MDN1: variants seen among roughly 807,000 people sequenced by gnomAD.
MDN1 encodes midasin.
Under a neutral mutation model 669.2 loss-of-function variants are expected in MDN1, and 266 were observed. The ratio of observed to expected loss-of-function variants is 0.40; its 90% CI spans 0.36 to 0.44. The LOEUF (loss-of-function observed/expected upper bound fraction) is 0.44. Ranked by LOEUF, MDN1 falls within the 20% of genes least tolerant of loss-of-function variation. The probability of loss-of-function intolerance (pLI) is 1.00; values close to 1 mark genes in which losing one functional copy is unlikely to be tolerated. For missense variants in MDN1, 5,940 were observed against 6,754.0 expected (o/e 0.88, Z 4.22); for synonymous variants, 2,385 against 2,457.1 (o/e 0.97, Z 0.87).
intron 51 of MDN1, 127 bp downstream of exon 51, chr6:89,708,369 C>T: frequency 1.7e-6 from 2 of 1,186,190 alleles, no homozygotes; most frequent in Non-Finnish European, 2.4e-6. Context: ...CAATCATGTC[C>T]AACACCCCAC....
At position 89,643,690 on chromosome 6, in the gene MDN1, G is replaced by A. The variant is rs1480350515; in HGVS notation, c.*315C>T. On this transcript the variant is annotated 3_prime_UTR_variant, in exon 102 of 102. Transcript: ENST00000369393. ...CAAGGCACAGGTGCCCAGATCCCCTGCAAAAGAAAACAGGCAGCTGGGCTC... is the reference window on the plus strand; with the variant it reads ...CAAGGCACAGGTGCCCAGATCCCCTACAAAAGAAAACAGGCAGCTGGGCTC... 5 of 226,160 alleles carry A rather than the reference G, an allele frequency of 2.2e-5. No homozygotes were observed. The highest frequency in any genetic ancestry group is 4.3e-5 in the Non-Finnish European group (5 of 115,322). 14.0% of individuals were successfully genotyped at this position (226,160 alleles called of 1,614,324 possible). A position where few individuals can be genotyped will look rare whatever the true frequency, so the allele number is the denominator to read the frequency against.
chr6:89,689,598 T>C (rs1356590280), intron 65 of MDN1, among the ~76,000 whole-genome samples: 2 of 152,228 alleles, frequency 1.3e-5, no homozygotes, highest in African/African-American at 4.8e-5. Context: ...TAAGTCCTTG[T>C]CCTTATTTTC....
rs1811019378 is a variant in MDN1, at chr6:89,674,116, A to G, written c.13235T>C (p.Leu4412Pro). The change falls in exon 79 of 102, where the codon CTC becomes CCC. Residue 4412 changes from leucine to proline, a missense_variant. This residue lies in a region of MDN1 where 2,280 missense variants were observed against 2,576.3 expected (regional missense o/e 0.88). Transcript: ENST00000369393. The stretch of plus-strand genomic sequence containing the variant: ...TAGACACACTTACCAAGAATGAAAG[A>G]GAGTCTCACAAGACTGCTGTCTAAT... ...DKIRQQSCET[L>P]FHSWKDFEVC... 6.2e-7 allele frequency: 1 copy of G among 1,613,836 alleles called. No homozygotes were observed. Among genetic ancestry groups the G allele is most frequent in the Non-Finnish European group, 8.5e-7 (1 of 1,179,840 alleles).
chr6:89,674,044 T>C (rs1451540535), intron 79 of MDN1, 60 bp downstream of exon 79: 2 of 1,569,932 alleles, frequency 1.3e-6, no homozygotes, highest in Non-Finnish European at 1.7e-6. Flanking sequence ...ACCCCCAATT[T>C]AGATAAGCAC....
rs1410554737 is a variant in MDN1, at chr6:89,653,056, G to A, written c.15761C>T (p.Pro5254Leu). 6.2e-7 allele frequency: 1 copy of A among 1,613,954 alleles called. No individual in the cohort carries two copies. The highest frequency in any genetic ancestry group is 8.5e-7 in the Non-Finnish European group (1 of 1,179,990). ...KAHKETENEK[P>L]ERSRESTIHT... ...AATGGTAGACTCTCGGCTTCTTTCT[G>A]GTTTCTCATTTTCTGTCTCCTTATG... is the stretch of plus-strand genomic sequence containing the variant. Residue 5254 changes from proline to leucine, a missense_variant, in exon 94 of 102, where the codon CCA becomes CTA. Coordinates refer to ENST00000369393, the MANE Select transcript of MDN1 (RefSeq NM_014611.3).
At position 89,740,106 on chromosome 6, in the gene MDN1, T is replaced by A; in HGVS notation, c.4593+128A>T. ...ATAATTATTTTAAAATATTTTTGAG[T>A]TTTTACACTTTTTACCCACTTTTTA... On this transcript the variant is annotated intron_variant, in intron 32 of 101. Transcript: ENST00000369393. 3 of 1,059,954 alleles carry A rather than the reference T, an allele frequency of 2.8e-6. No homozygotes were observed. The South Asian group carries it at 5.1e-5, about 18-fold the overall frequency. 65.7% of individuals were successfully genotyped at this position (1,059,954 alleles called of 1,614,324 possible).
chr6:89,649,750 G>A, intron 97 of MDN1, among the ~76,000 whole-genome samples: 1 of 151,914 alleles, frequency 6.6e-6, no homozygotes. Context: ...CAAACAGCAA[G>A]GTCAAGAAAC....
intron 53 of MDN1, among the ~76,000 whole-genome samples, chr6:89,705,711 T>C (rs1436503536): frequency 1.3e-5 from 2 of 152,168 alleles, no homozygotes; most frequent in Non-Finnish European, 2.9e-5. Context: ...AGCAGATCAA[T>C]GGCTACCTCG....
Position 89,661,431 on chromosome 6 carries a change from C to T in MDN1, c.14713G>A (p.Glu4905Lys), listed in dbSNP as rs766701578. 2.5e-5 allele frequency: 41 copies of T among 1,609,778 alleles called. 1 individual carries two copies. The highest frequency in any genetic ancestry group is 1.2e-5 in the Non-Finnish European group (14 of 1,178,764). The change falls in exon 88 of 102, where the codon GAA becomes AAA. Residue 4905 changes from glutamate to lysine, a missense_variant and splice_region_variant. By Grantham distance (56) the Glu-to-Lys change is moderately conservative. Coordinates refer to ENST00000369393, the MANE Select transcript of MDN1 (RefSeq NM_014611.3). The part of the protein sequence containing the change: ...GEDTDNEEGE[E>K]ENPLEIKEKP... ...GTCTCTTTGTTTCTGAAAGACGCAC[C>T]TTCTCCTTCTTCATTGTCGGTGTCC... is the stretch of plus-strand genomic sequence containing the variant.
Position 89,642,767 on chromosome 6 carries a change from G to A in MDN1, c.*1238C>T, listed in dbSNP as rs1808247300. The A allele has an allele frequency of 6.6e-6, 1 of 152,206 alleles. No individual in the cohort carries two copies. The highest frequency in any genetic ancestry group is 1.5e-5 in the Non-Finnish European group (1 of 68,038). The allele number at this position is 152,206 out of a possible 1,614,324, so 9.4% of individuals were successfully genotyped here. Reference sequence around the variant, plus strand: ...ATCCTGTCATCTTCCATTAAGAAGAGTCACAAATTACATCAACAACAGTGG... The same window carrying A: ...ATCCTGTCATCTTCCATTAAGAAGAATCACAAATTACATCAACAACAGTGG... On this transcript the variant is annotated 3_prime_UTR_variant, in exon 102 of 102. Coordinates refer to ENST00000369393, the MANE Select transcript of MDN1 (RefSeq NM_014611.3).
intron 76 of MDN1, 117 bp from the exon 77 acceptor site, chr6:89,676,324 T>C (rs1335121977): frequency 3.7e-6 from 3 of 806,122 alleles, no homozygotes; most frequent in Non-Finnish European, 6.2e-6. Flanking sequence ...TCTGAATAGG[T>C]TTATTTCTAT....
Position 89,658,750 on chromosome 6 carries a change from C to T in MDN1, c.14881G>A (p.Ala4961Thr), listed in dbSNP as rs1295141034. 9 of 1,614,150 alleles carry T rather than the reference C, an allele frequency of 5.6e-6. No homozygotes were observed. The South Asian group carries it at 8.8e-5, about 16-fold the overall frequency. Reference protein sequence around the residue: ...AEGEEEMDTGADDQDGDAAQH... With the variant: ...AEGEEEMDTGTDDQDGDAAQH... Reference sequence around the variant, plus strand: ...GCAGCATCTCCATCTTGGTCATCAGCTCCTGTGTCCATTTCCTCTTCCCCT... The same window carrying T: ...GCAGCATCTCCATCTTGGTCATCAGTTCCTGTGTCCATTTCCTCTTCCCCT... The change falls in exon 89 of 102, where the codon GCT becomes ACT. Residue 4961 changes from alanine to threonine, a missense_variant. Ala to Thr is a moderately conservative substitution (Grantham distance 58). Transcript: ENST00000369393.
chr6:89,754,629 C>T (rs1014186736), intron 20 of MDN1, among the ~76,000 whole-genome samples: 1 of 152,142 alleles, frequency 6.6e-6, no homozygotes, highest in Non-Finnish European at 1.5e-5. Context: ...TGAAAGGCTA[C>T]GAATATGGCT....
chr6:89,683,350 G>T lies in MDN1; in HGVS notation c.11904-20C>A, dbSNP rs1265361421. 2 of 1,607,066 alleles carry T rather than the reference G, an allele frequency of 1.2e-6. No individual in the cohort carries two copies. Among genetic ancestry groups the T allele is most frequent in the East Asian group, 4.5e-5 (2 of 44,786 alleles). Reference sequence around the variant, plus strand: ...AGTGTCCTGTCCCCAGGTAATGACAGAGATAAGAAGAAAAAAACTGGATTA... The same window carrying T: ...AGTGTCCTGTCCCCAGGTAATGACATAGATAAGAAGAAAAAAACTGGATTA... On this transcript the variant is annotated intron_variant, in intron 72 of 101. Coordinates refer to ENST00000369393, the MANE Select transcript of MDN1 (RefSeq NM_014611.3).
intron 22 of MDN1, 143 bp from the exon 23 acceptor site, chr6:89,751,725 T>G: frequency 1.1e-6 from 1 of 888,182 alleles, no homozygotes; most frequent in South Asian, 2.2e-5. Context: ...AATATGAACA[T>G]AAAATTATGA....
chr6:89,779,052 T>G, intron 11 of MDN1, among the ~76,000 whole-genome samples: 1 of 151,938 alleles, frequency 6.6e-6, no homozygotes, highest in East Asian at 1.9e-4. Context: ...AATCTCCAGG[T>G]TATTTATAAT....
chr6:89,770,400 C>CAAAA (rs572130757), intron 15 of MDN1, among the ~76,000 whole-genome samples: 1 of 61,112 alleles, frequency 1.6e-5, no homozygotes, highest in Non-Finnish European at 3.3e-5. Flanking sequence ...GACTCTGTCT[C>CAAAA]AAAAAAAAAA....
intron 36 of MDN1, among the ~76,000 whole-genome samples, chr6:89,728,418 G>A (rs1815369476): frequency 6.6e-6 from 1 of 152,170 alleles, no homozygotes; most frequent in South Asian, 2.1e-4. Flanking sequence ...TCTCTCGAAA[G>A]AGAATTAGAA....
At chr6:89,798,061 A>C (rs1397478843) in intron 2 of MDN1, among the ~76,000 whole-genome samples, 1 of 151,836 alleles carries the variant, frequency 6.6e-6, no homozygotes, top group Non-Finnish European at 1.5e-5. Context: ...AGGCACCTGT[A>C]GTCCCAGCTA....
Sources: allele counts gnomAD v4.1 joint callset (sites outside exome capture counted in the v4.1 genomes callset), GRCh38; gene constraint gnomAD v4.1.1; regional missense constraint gnomAD v4.1.1; transcripts MANE v1.5; gene names NCBI Gene and HGNC (gene_info 2026-07-23, HGNC 2026-07-21).